The following POLR3B variants were observed in gnomAD, a reference collection of about 807,000 sequenced individuals.
POLR3B encodes DNA-directed RNA polymerase III subunit RPC2.
In POLR3B, 96 loss-of-function variants were observed where a neutral mutation model predicts 147.4. That is an observed-to-expected ratio of 0.65 (90% CI 0.55 to 0.77). The LOEUF (loss-of-function observed/expected upper bound fraction) is 0.77. Ranked by LOEUF, POLR3B falls within the 30% of genes least tolerant of loss-of-function variation. POLR3B has a pLI of 0.00. For synonymous variants in POLR3B, 461 were observed against 485.9 expected (o/e 0.95, Z 0.67); for missense variants, 1,036 against 1,413.5 (o/e 0.73, Z 4.28).
intron 18 of POLR3B, among the ~76,000 whole-genome samples, chr12:106,438,238 A>G (rs2037603456): frequency 1.3e-5 from 2 of 152,080 alleles, no homozygotes; most frequent in South Asian, 2.1e-4. Context: ...TTATGACTGC[A>G]TAGTATTTCA....
At chr12:106,424,528 G>T (rs1315729702) in intron 12 of POLR3B, among the ~76,000 whole-genome samples, 1 of 152,006 alleles carries the variant, frequency 6.6e-6, no homozygotes, top group Non-Finnish European at 1.5e-5. Context: ...TTATTAGCTG[G>T]AATTTTTTAA....
chr12:106,395,394 G>T (rs2374606), intron 10 of POLR3B, among the ~76,000 whole-genome samples: 21,490 of 152,130 alleles, frequency 0.14, 1,928 homozygotes, highest in Non-Finnish European at 0.2. Flanking sequence ...TATAGTGGGA[G>T]TGAGAGCAAG....
intron 22 of POLR3B, among the ~76,000 whole-genome samples, chr12:106,462,566 A>G (rs7976305): frequency 0.39 from 59,760 of 152,100 alleles, 13,908 homozygotes; most frequent in African/African-American, 0.65. Flanking sequence ...TACTCTGGCC[A>G]TGTTACTCTC....
At chr12:106,389,793 G>A (rs1477321901) in intron 9 of POLR3B, among the ~76,000 whole-genome samples, 1 of 152,158 alleles carries the variant, frequency 6.6e-6, no homozygotes, top group Non-Finnish European at 1.5e-5. Context: ...ACTTTAGAGG[G>A]TAAGGTAGGA....
At chr12:106,413,705 C>T (rs893683332) in intron 12 of POLR3B, among the ~76,000 whole-genome samples, 10 of 151,774 alleles carry the variant, frequency 6.6e-5, no homozygotes, top group Non-Finnish European at 1.5e-4. Flanking sequence ...GGATTAATGT[C>T]TTTAATCAGT....
intron 10 of POLR3B, among the ~76,000 whole-genome samples, chr12:106,396,804 A>C (rs2036985488): frequency 6.6e-6 from 1 of 151,476 alleles, no homozygotes; most frequent in South Asian, 2.1e-4. Flanking sequence ...TTTTAAGTTC[A>C]TTCTTGGCCA....
In POLR3B at chr12:106,496,000, T is replaced by C. The variant is rs532456992; in HGVS notation, c.2714-55T>C. On this transcript the variant is annotated intron_variant, in intron 23 of 27. Coordinates refer to ENST00000228347, the MANE Select transcript of POLR3B (RefSeq NM_018082.6). Reference sequence around the variant, plus strand: ...GCGGGGAGATCCCAATTAAGTACTGTATTCTTCCTTTCTGCCAACTTGCTT... The same window carrying C: ...GCGGGGAGATCCCAATTAAGTACTGCATTCTTCCTTTCTGCCAACTTGCTT... 4.0e-6 allele frequency: 4 copies of C among 1,001,544 alleles called. No individual in the cohort carries two copies. The East Asian group carries it at 9.5e-5, about 24-fold the overall frequency. The allele number at this position is 1,001,544 out of a possible 1,614,324, so 62.0% of individuals were successfully genotyped here.
rs555129898 is a variant in POLR3B at position 106,440,930 on chromosome 12, T to TA, written c.1955+3157dup. Reference sequence around the variant, plus strand: ...TTCCATACATCAAATTAATTTCATTTAAAAAATCTAGAAGTTTTTGTATTA... The same window carrying TA: ...TTCCATACATCAAATTAATTTCATTTAAAAAAATCTAGAAGTTTTTGTATTA... On this transcript the variant is annotated intron_variant, in intron 18 of 27. Transcript: ENST00000228347. Among the ~76,000 whole-genome samples the TA allele has an allele frequency of 6.0e-4, 92 of 152,308 alleles. 1 individual carries two copies. The South Asian group carries it at 0.011, about 18-fold the overall frequency.
intron 23 of POLR3B, among the ~76,000 whole-genome samples, chr12:106,477,636 TC>T (rs1207570682): frequency 1.3e-5 from 2 of 152,154 alleles, no homozygotes; most frequent in Non-Finnish European, 2.9e-5. Context: ...TCCAGGTGCG[TC>T]CGTCACCCCT....
At chr12:106,392,983 G>T (rs372504253) in intron 9 of POLR3B, 48 bp from the exon 10 acceptor site, 4 of 1,612,322 alleles carry the variant, frequency 2.5e-6, no homozygotes, top group Non-Finnish European at 3.4e-6. Context: ...AAATGTCAGT[G>T]AGTTAACACA....
At chr12:106,434,324 A>G (rs1336027960) in intron 16 of POLR3B, among the ~76,000 whole-genome samples, 2 of 152,164 alleles carry the variant, frequency 1.3e-5, no homozygotes, top group Non-Finnish European at 2.9e-5. Context: ...GAAAGTCCTT[A>G]GGATTCGTTT....
At chr12:106,427,967 G>A (rs1019615302) in intron 13 of POLR3B, among the ~76,000 whole-genome samples, 1 of 152,138 alleles carries the variant, frequency 6.6e-6, no homozygotes, top group Non-Finnish European at 1.5e-5. Flanking sequence ...TAGTTTTATG[G>A]ATGAGATTTT....
chr12:106,416,496 C>T (rs2136942992), intron 12 of POLR3B, among the ~76,000 whole-genome samples: 1 of 152,146 alleles, frequency 6.6e-6, no homozygotes, highest in South Asian at 2.1e-4. Context: ...CAAAGCAATC[C>T]CAACACATTC....
chr12:106,476,687 G>A (rs1177325101), intron 23 of POLR3B, among the ~76,000 whole-genome samples: 2,830 of 148,288 alleles, frequency 0.019, 71 homozygotes, highest in African/African-American at 0.055. Context: ...CATTCTTCAC[G>A]TAGTTCTCGA....
intron 18 of POLR3B, among the ~76,000 whole-genome samples, chr12:106,439,816 G>A (rs750104480): frequency 6.6e-6 from 1 of 152,112 alleles, no homozygotes; most frequent in Non-Finnish European, 1.5e-5. Context: ...CAGCAATTTG[G>A]GAGGCTAAGG....
At chr12:106,379,479 C>G (rs1333324650) in intron 8 of POLR3B, among the ~76,000 whole-genome samples, 2 of 152,190 alleles carry the variant, frequency 1.3e-5, no homozygotes, top group African/African-American at 4.8e-5. Context: ...AGCAGGTAAT[C>G]TGTGTGTGTT....
At chr12:106,392,906 T>C (rs2036929926) in intron 9 of POLR3B, 125 bp from the exon 10 acceptor site, 1 of 1,230,088 alleles carries the variant, frequency 8.1e-7, no homozygotes, top group South Asian at 1.4e-5. Context: ...GATGGCACCA[T>C]TTCTGAGAGA....
At chr12:106,374,502 C>G (rs2036650845) in intron 6 of POLR3B, among the ~76,000 whole-genome samples, 1 of 152,040 alleles carries the variant, frequency 6.6e-6, no homozygotes, top group African/African-American at 2.4e-5. Flanking sequence ...CAGGCATGAG[C>G]CACCATTTGT....
At chr12:106,479,567 T>C (rs2038234242) in intron 23 of POLR3B, among the ~76,000 whole-genome samples, 1 of 151,650 alleles carries the variant, frequency 6.6e-6, no homozygotes, top group African/African-American at 2.4e-5. Context: ...TTTTTTTTAG[T>C]AGAGATGGGG....
Sources: allele counts gnomAD v4.1 joint callset (sites outside exome capture counted in the v4.1 genomes callset), GRCh38; gene constraint gnomAD v4.1.1; transcripts MANE v1.5; gene names NCBI Gene and HGNC (gene_info 2026-07-23, HGNC 2026-07-21).